ARB2A: variants seen among roughly 807,000 people sequenced by gnomAD.
ARB2A encodes the protein cotranscriptional regulator ARB2A.
the ARB2A span, among the ~76,000 whole-genome samples, chr5:93,855,222 C>T: frequency 1.1e-4 from 16 of 152,132 alleles, no homozygotes; most frequent in Non-Finnish European, 2.2e-4. Context: ...ATGGCCTTCT[C>T]TGGCTCTTTT....
the ARB2A span, among the ~76,000 whole-genome samples, chr5:93,880,545 T>C: frequency 1.3e-5 from 2 of 151,786 alleles, no homozygotes; most frequent in African/African-American, 4.8e-5. Flanking sequence ...TGTGTTTAAA[T>C]GTTCTGAATT....
chr5:93,843,844 C>G, the ARB2A span, among the ~76,000 whole-genome samples: 2 of 151,722 alleles, frequency 1.3e-5, no homozygotes, highest in Non-Finnish European at 2.9e-5. Context: ...ATCCAAAAAG[C>G]AAAGTTGTAT....
the ARB2A span, among the ~76,000 whole-genome samples, chr5:93,728,896 C>A: frequency 6.6e-6 from 1 of 152,064 alleles, no homozygotes; most frequent in Non-Finnish European, 1.5e-5. Context: ...ATATATTAAT[C>A]TTTAATGTTA....
chr5:94,084,255 C>T, the ARB2A span, among the ~76,000 whole-genome samples: 1 of 82,758 alleles, frequency 1.2e-5, no homozygotes, highest in Admixed American at 1.8e-4. Flanking sequence ...ATCTGGGCAA[C>T]AGGAGCAAAA....
At chr5:93,690,197 A>G in the ARB2A span, among the ~76,000 whole-genome samples, 677 of 152,262 alleles carry the variant, frequency 4.4e-3, 3 homozygotes, top group Middle Eastern at 0.017. Context: ...AATGCCAGTG[A>G]GACAAAACCG....
At chr5:93,707,196 T>G in the ARB2A span, among the ~76,000 whole-genome samples, 1 of 152,206 alleles carries the variant, frequency 6.6e-6, no homozygotes, top group African/African-American at 2.4e-5. Context: ...TTTAGAAGTG[T>G]TGTCAACAAA....
chr5:93,868,154 T>C, the ARB2A span, among the ~76,000 whole-genome samples: 2 of 151,894 alleles, frequency 1.3e-5, no homozygotes, highest in African/African-American at 2.4e-5. Flanking sequence ...ACTTCATCTA[T>C]ACAAAAAATA....
the ARB2A span, among the ~76,000 whole-genome samples, chr5:94,020,919 G>A: frequency 6.6e-6 from 1 of 152,046 alleles, no homozygotes; most frequent in African/African-American, 2.4e-5. Flanking sequence ...TAGCAACATA[G>A]TGCATCCTGT....
At chr5:93,947,183 T>G in the ARB2A span, among the ~76,000 whole-genome samples, 1 of 152,216 alleles carries the variant, frequency 6.6e-6, no homozygotes, top group Non-Finnish European at 1.5e-5. Flanking sequence ...GGTTGTAAAG[T>G]GTTCCTATAT....
the ARB2A span, among the ~76,000 whole-genome samples, chr5:93,797,953 G>A: frequency 2.0e-5 from 3 of 152,074 alleles, no homozygotes; most frequent in Non-Finnish European, 4.4e-5. Context: ...ACATCAATGT[G>A]TCTGAAGGGA....
the ARB2A span, among the ~76,000 whole-genome samples, chr5:93,767,993 CAAAAAAAAAAAAAAAAA>C: frequency 2.4e-4 from 5 of 20,944 alleles, no homozygotes; most frequent in Non-Finnish European, 3.6e-4. Context: ...GACTCCATCT[CAAAAAAAAAAAAAAAAA>C]AAAAAAAAAA....
the ARB2A span, among the ~76,000 whole-genome samples, chr5:94,080,755 T>C: frequency 0.015 from 2,251 of 152,300 alleles, 20 homozygotes; most frequent in Non-Finnish European, 0.023. Flanking sequence ...GCCAGGTTGG[T>C]TGAGGTTTTG....
the ARB2A span, among the ~76,000 whole-genome samples, chr5:94,018,382 T>C: frequency 6.6e-6 from 1 of 152,222 alleles, no homozygotes; most frequent in Admixed American, 6.5e-5. Flanking sequence ...ATTTGCTGTG[T>C]TGCCAAAGGA....
the ARB2A span, among the ~76,000 whole-genome samples, chr5:93,946,203 A>T: frequency 6.6e-6 from 1 of 152,010 alleles, no homozygotes; most frequent in Admixed American, 6.5e-5. Flanking sequence ...ATCTAACAAT[A>T]CAGGAAGACA....
the ARB2A span, among the ~76,000 whole-genome samples, chr5:93,801,380 CAATTGTTAATTAA>C: frequency 6.6e-6 from 1 of 152,038 alleles, no homozygotes; most frequent in African/African-American, 2.4e-5. Flanking sequence ...TCTCTAAATT[CAATTGTTAATTAA>C]AGTGAGAGCA....
chr5:93,675,541 C>T, the ARB2A span, among the ~76,000 whole-genome samples: 1 of 152,160 alleles, frequency 6.6e-6, no homozygotes, highest in Non-Finnish European at 1.5e-5. Context: ...CACTCAGCCC[C>T]TCATTTTTGG....
At chr5:93,839,647 G>A in the ARB2A span, among the ~76,000 whole-genome samples, 1,734 of 151,906 alleles carry the variant, frequency 0.011, 31 homozygotes, top group African/African-American at 0.04. Context: ...AGATCATTCC[G>A]GTCCTGGGCT....
chr5:94,035,942 G>A, the ARB2A span, among the ~76,000 whole-genome samples: 36 of 152,104 alleles, frequency 2.4e-4, 1 homozygote, highest in South Asian at 7.3e-3. Flanking sequence ...AACCACCATG[G>A]CAGATGTATA....
chr5:93,979,761 GTTTC>G, the ARB2A span, among the ~76,000 whole-genome samples: 2 of 151,704 alleles, frequency 1.3e-5, no homozygotes, highest in South Asian at 2.1e-4. Context: ...CTTTTTCTAT[GTTTC>G]TTTCTTTCTC....
Sources: gnomAD v4.1 joint callset for allele counts (sites outside exome capture counted in the v4.1 genomes callset) on GRCh38, gnomAD v4.1.1 for gene constraint, MANE v1.5 for transcripts, NCBI Gene and HGNC (gene_info 2026-07-23, HGNC 2026-07-21) for gene names.